CTNNBL1: variants seen among roughly 807,000 people sequenced by gnomAD.
The protein encoded by CTNNBL1 is catenin beta like 1, also known as beta-catenin-like protein 1.
In CTNNBL1, 31 loss-of-function variants were observed where a neutral mutation model predicts 72.7. The observed-to-expected ratio is 0.43, with a 90% confidence interval of 0.32 to 0.58. The LOEUF is 0.58. Ranked by LOEUF, CTNNBL1 falls within the 20% of genes least tolerant of loss-of-function variation. The pLI is 0.08. For missense variants in CTNNBL1, 534 were observed against 725.1 expected (o/e 0.74, Z 3.03); for synonymous variants, 240 against 267.3 (o/e 0.90, Z 1.00).
chr20:37,794,505 G>A (rs1388749421), intron 10 of CTNNBL1, among the ~76,000 whole-genome samples: 1 of 151,476 alleles, frequency 6.6e-6, no homozygotes, highest in Non-Finnish European at 1.5e-5. Flanking sequence ...TTTTGTTTGT[G>A]TTTTTTTGAG....
chr20:37,819,699 G>A (rs1438462747), intron 11 of CTNNBL1, among the ~76,000 whole-genome samples: 1 of 151,856 alleles, frequency 6.6e-6, no homozygotes, highest in African/African-American at 2.4e-5. Context: ...AATTATGATT[G>A]GCTTCCCTCC....
At chr20:37,772,184 T>G (rs933118687) in intron 7 of CTNNBL1, among the ~76,000 whole-genome samples, 1 of 152,304 alleles carries the variant, frequency 6.6e-6, no homozygotes, top group African/African-American at 2.4e-5. Flanking sequence ...AAGGACCATG[T>G]CTCTGTCATA....
At chr20:37,703,202 T>C (rs2072858710) in intron 1 of CTNNBL1, among the ~76,000 whole-genome samples, 1 of 152,246 alleles carries the variant, frequency 6.6e-6, no homozygotes, top group African/African-American at 2.4e-5. Flanking sequence ...ATAACCATTA[T>C]GTAAAGATCA....
chr20:37,699,267 C>T (rs935458636), intron 1 of CTNNBL1, among the ~76,000 whole-genome samples: 7 of 152,178 alleles, frequency 4.6e-5, no homozygotes, highest in African/African-American at 1.7e-4. Context: ...CCAGGGTACC[C>T]GGGTAGTCTT....
At chr20:37,870,582 G>A (rs547061763) in intron 15 of CTNNBL1, among the ~76,000 whole-genome samples, 197 of 152,222 alleles carry the variant, frequency 1.3e-3, no homozygotes, top group African/African-American at 4.6e-3. Flanking sequence ...AGCTGAAGAC[G>A]TCGCCTCACC....
chr20:37,741,740 C>T lies in CTNNBL1; in HGVS notation c.326+4256C>T, dbSNP rs75997065. On this transcript the variant is annotated intron_variant, in intron 3 of 15. Coordinates refer to ENST00000361383, the MANE Select transcript of CTNNBL1 (RefSeq NM_030877.5). ...TAAATAGCATGGCTGGGAGTATGAC[C>T]CAGGTCAGTCTCATTCCCAAGTCCA... Among the ~76,000 whole-genome samples the T allele has an allele frequency of 3.9e-3, 599 of 152,300 alleles. 6 individuals carry two copies. The highest frequency in any genetic ancestry group is 0.014 in the African/African-American group (568 of 41,562).
rs562835403 is a variant in CTNNBL1 at position 37,711,052 on chromosome 20, G to C, written c.30+16900G>C. Among the ~76,000 whole-genome samples, 13 of 152,286 alleles carry C rather than the reference G, an allele frequency of 8.5e-5. No homozygotes were observed. The South Asian group carries it at 2.7e-3, about 32-fold the overall frequency. On this transcript the variant is annotated intron_variant, in intron 1 of 15. Coordinates refer to ENST00000361383, the MANE Select transcript of CTNNBL1 (RefSeq NM_030877.5). Reference sequence around the variant, plus strand: ...TGGGATGGGAGCTGCCATATACAGTGTGCCTCATATGGTGTGCCCTACCCT... The same window carrying C: ...TGGGATGGGAGCTGCCATATACAGTCTGCCTCATATGGTGTGCCCTACCCT...
intron 11 of CTNNBL1, among the ~76,000 whole-genome samples, chr20:37,824,595 A>G (rs989643707): frequency 6.6e-6 from 1 of 152,246 alleles, no homozygotes; most frequent in Non-Finnish European, 1.5e-5. Flanking sequence ...TTTAAACAAA[A>G]TAGATCACAT....
intron 1 of CTNNBL1, among the ~76,000 whole-genome samples, chr20:37,730,652 C>T (rs1283943498): frequency 6.6e-6 from 1 of 152,158 alleles, no homozygotes; most frequent in African/African-American, 2.4e-5. Context: ...TGGAAAACAA[C>T]AGTAAGACCT....
chr20:37,729,716 G>A (rs1409851353), intron 1 of CTNNBL1, among the ~76,000 whole-genome samples: 2 of 152,146 alleles, frequency 1.3e-5, no homozygotes, highest in Non-Finnish European at 2.9e-5. Context: ...GAGGGCTGAA[G>A]TTCCTTACCT....
intron 10 of CTNNBL1, among the ~76,000 whole-genome samples, chr20:37,789,893 G>A (rs1312536520): frequency 6.6e-6 from 1 of 152,192 alleles, no homozygotes; most frequent in Non-Finnish European, 1.5e-5. Context: ...GTTAGAAAGA[G>A]AAGAGACCAC....
intron 6 of CTNNBL1, among the ~76,000 whole-genome samples, chr20:37,766,149 G>C (rs374007823): frequency 6.6e-6 from 1 of 152,142 alleles, no homozygotes; most frequent in East Asian, 1.9e-4. Context: ...ATGGGCACCT[G>C]GGGGGAAGAG....
chr20:37,784,915 G>C (rs1341756411), intron 10 of CTNNBL1, among the ~76,000 whole-genome samples: 1 of 152,102 alleles, frequency 6.6e-6, no homozygotes, highest in Non-Finnish European at 1.5e-5. Context: ...TTTCTTGTAG[G>C]ATGGGTCTGG....
At chr20:37,808,636 T>C (rs747058905) in intron 11 of CTNNBL1, among the ~76,000 whole-genome samples, 2 of 152,162 alleles carry the variant, frequency 1.3e-5, no homozygotes, top group African/African-American at 4.8e-5. Context: ...TTGAATAGAT[T>C]GGCAGTGTCT....
At chr20:37,860,528 T>G (rs2072483007) in intron 15 of CTNNBL1, among the ~76,000 whole-genome samples, 184 bp downstream of exon 15, 1 of 152,208 alleles carries the variant, frequency 6.6e-6, no homozygotes. Context: ...GCCTTGTTGT[T>G]CTCTGCCTCT....
intron 11 of CTNNBL1, among the ~76,000 whole-genome samples, chr20:37,808,366 A>T (rs1017377945): frequency 6.6e-6 from 1 of 152,224 alleles, no homozygotes; most frequent in Non-Finnish European, 1.5e-5. Flanking sequence ...TCCTGCAGTC[A>T]GAAAAGAAGG....
At chr20:37,696,682 A>T (rs1282804601) in intron 1 of CTNNBL1, among the ~76,000 whole-genome samples, 1 of 151,684 alleles carries the variant, frequency 6.6e-6, no homozygotes, top group African/African-American at 2.4e-5. Flanking sequence ...ACCTCAGGTG[A>T]TCTGCCAGCC....
At chr20:37,844,101 C>G (rs1333701769) in intron 13 of CTNNBL1, among the ~76,000 whole-genome samples, 1 of 152,214 alleles carries the variant, frequency 6.6e-6, no homozygotes, top group African/African-American at 2.4e-5. Context: ...TACTCCTTCT[C>G]TTTATCTGAA....
At chr20:37,833,310 G>A (rs947392743) in intron 11 of CTNNBL1, among the ~76,000 whole-genome samples, 2 of 152,164 alleles carry the variant, frequency 1.3e-5, no homozygotes, top group Admixed American at 1.3e-4. Flanking sequence ...TCATCCTTGA[G>A]AAGCCCTGAA....
Sources: allele counts gnomAD v4.1 joint callset (sites outside exome capture counted in the v4.1 genomes callset), GRCh38; gene constraint gnomAD v4.1.1; transcripts MANE v1.5; gene names NCBI Gene and HGNC (gene_info 2026-07-23, HGNC 2026-07-21).